Variants in RAP1GAP2 observed in about 807,000 individuals in gnomAD.
RAP1GAP2 encodes RAP1 GTPase activating protein 2, also known as rap1 GTPase-activating protein 2.
A neutral mutation model predicts 95.0 loss-of-function variants in RAP1GAP2; 27 were observed. That is an observed-to-expected ratio of 0.28 (90% confidence interval 0.21 to 0.39). The LOEUF is 0.39. Ranked by LOEUF, RAP1GAP2 falls within the 10% of genes least tolerant of loss-of-function variation. The pLI is 1.00. For missense variants in RAP1GAP2, 771 were observed against 970.0 expected, an observed-to-expected ratio of 0.79 and a Z score of 2.72; for synonymous variants, 373 against 380.9, an observed-to-expected ratio of 0.98 and a Z score of 0.24.
intron 2 of RAP1GAP2, among the ~76,000 whole-genome samples, chr17:2,864,471 C>T (rs1359484350): frequency 6.6e-6 from 1 of 152,218 alleles, no homozygotes; most frequent in Non-Finnish European, 1.5e-5. Flanking sequence ...GGCCTTCCCT[C>T]ATTACACCTC....
Position 2,825,856 on chromosome 17 carries a change from G to A in RAP1GAP2, c.80+25306G>A, listed in dbSNP as rs573856420. 5.3e-5 allele frequency among the ~76,000 whole-genome samples: 8 copies of A among 152,238 alleles called. No individual in the cohort carries two copies. The East Asian group carries it at 1.5e-3, about 29-fold the overall frequency. ...TGCAAAGCATGAGGCAGTGCCAATA[G>A]AGATATTCTTCCTGGTGGAATGAGG... On this transcript the variant is annotated intron_variant, in intron 2 of 24. Coordinates refer to ENST00000254695, the MANE Select transcript of RAP1GAP2 (RefSeq NM_015085.5). The surrounding 1 kb of genome is among the most constrained non-coding windows in gnomAD (Gnocchi z 4.1).
At chr17:2,775,415 T>C (rs1316414097), upstream of RAP1GAP2, among the ~76,000 whole-genome samples, 1 of 149,176 alleles carries the variant, frequency 6.7e-6, no homozygotes, top group East Asian at 1.9e-4. Flanking sequence ...AAGTGACATG[T>C]GAGCTGAGTC....
upstream of RAP1GAP2, among the ~76,000 whole-genome samples, chr17:2,793,839 G>T (rs543727350): frequency 6.6e-6 from 1 of 152,076 alleles, no homozygotes; most frequent in Admixed American, 6.6e-5. Flanking sequence ...GGTGGCTCCC[G>T]CCTGGAATCC....
chr17:2,852,167 A>G (rs567355565), intron 2 of RAP1GAP2, among the ~76,000 whole-genome samples: 90 of 152,258 alleles, frequency 5.9e-4, no homozygotes, highest in African/African-American at 1.8e-3. Flanking sequence ...AAGGACACTC[A>G]TTTTATTCTT....
chr17:2,800,205 C>G (rs1307366847), intron 1 of RAP1GAP2: 1 of 985,302 alleles, frequency 1.0e-6, no homozygotes, highest in Admixed American at 6.2e-5. Context: ...TGCTTACGAT[C>G]CCTGGACCTG....
At chr17:2,889,267 T>A (rs569646918) in intron 2 of RAP1GAP2, among the ~76,000 whole-genome samples, 1 of 152,260 alleles carries the variant, frequency 6.6e-6, no homozygotes, top group Non-Finnish European at 1.5e-5. Flanking sequence ...ATTGCAGTGG[T>A]GATGAGCCGG....
chr17:2,983,042 C>G (rs1360443244), intron 10 of RAP1GAP2, among the ~76,000 whole-genome samples: 1 of 152,186 alleles, frequency 6.6e-6, no homozygotes, highest in Non-Finnish European at 1.5e-5. Flanking sequence ...GCTCCAGGGT[C>G]GGGCAGCAGC....
At chr17:2,810,764 C>CAA (rs2069737145) in intron 2 of RAP1GAP2, among the ~76,000 whole-genome samples, 1 of 151,882 alleles carries the variant, frequency 6.6e-6, no homozygotes, top group African/African-American at 2.4e-5. Context: ...CTCCTGACCT[C>CAA]GTGATCCGCC....
rs2069125894 is a variant in RAP1GAP2, at chr17:2,797,453, G to A, written c.44+882G>A. On this transcript the variant is annotated intron_variant, in intron 1 of 24. Coordinates refer to ENST00000254695, the MANE Select transcript of RAP1GAP2 (RefSeq NM_015085.5). The surrounding 1 kb of genome is among the most constrained non-coding windows in gnomAD (Gnocchi z 5.6). ...TGATCGGTTTCCTTTCAGTGCCTGG[G>A]CTGGGGGCGTTGTCAGACTGGGAGA... 6.6e-6 allele frequency among the ~76,000 whole-genome samples: 1 copy of A among 152,088 alleles called. No homozygotes were observed. The highest frequency in any genetic ancestry group is 2.4e-5 in the African/African-American group (1 of 41,400).
At chr17:2,998,552 C>T (rs1489896779) in intron 14 of RAP1GAP2, among the ~76,000 whole-genome samples, 176 bp downstream of exon 14, 1 of 152,170 alleles carries the variant, frequency 6.6e-6, no homozygotes, top group Admixed American at 6.5e-5. Context: ...CCACCTGATC[C>T]CCCTTGCTGC....
At chr17:2,977,863 C>A (rs758814671) in intron 8 of RAP1GAP2, among the ~76,000 whole-genome samples, 1 of 151,602 alleles carries the variant, frequency 6.6e-6, no homozygotes, top group Non-Finnish European at 1.5e-5. Flanking sequence ...AAAAAATAGG[C>A]CAGTGTTGCT....
intron 2 of RAP1GAP2, among the ~76,000 whole-genome samples, chr17:2,839,780 C>A (rs913168532): frequency 6.6e-6 from 1 of 152,078 alleles, no homozygotes; most frequent in Admixed American, 6.6e-5. Flanking sequence ...AGGTATAGAC[C>A]AGGTATAGAA....
intron 2 of RAP1GAP2, among the ~76,000 whole-genome samples, chr17:2,810,553 C>T (rs1486633204): frequency 2.6e-4 from 18 of 69,602 alleles, no homozygotes; most frequent in East Asian, 1.1e-3. Flanking sequence ...TTTTTTGAGA[C>T]GGAGTCTCGC....
At chr17:2,995,674 G>A (rs1342577183) in intron 13 of RAP1GAP2, among the ~76,000 whole-genome samples, 1 of 152,248 alleles carries the variant, frequency 6.6e-6, no homozygotes, top group Non-Finnish European at 1.5e-5. Flanking sequence ...GTTTCTGGCC[G>A]AGGCCACACC....
At chr17:2,811,523 G>A (rs939285052) in intron 2 of RAP1GAP2, among the ~76,000 whole-genome samples, 6 of 152,166 alleles carry the variant, frequency 3.9e-5, no homozygotes, top group African/African-American at 7.2e-5. Context: ...CTGTCTTAGC[G>A]GATCTTCCAT....
intron 2 of RAP1GAP2, among the ~76,000 whole-genome samples, chr17:2,828,068 C>T (rs563230748): frequency 1.1e-4 from 16 of 152,236 alleles, no homozygotes; most frequent in South Asian, 4.1e-4. Context: ...GGGCCGGGTG[C>T]GGTGGCTCAC....
At chr17:2,784,692 T>C (rs915975471) in intron 1 of RAP1GAP2, among the ~76,000 whole-genome samples, 1 of 152,180 alleles carries the variant, frequency 6.6e-6, no homozygotes. Flanking sequence ...CATCTTACTG[T>C]GCAGAGCCCT....
At chr17:2,949,061 A>G (rs2151450822) in intron 3 of RAP1GAP2, among the ~76,000 whole-genome samples, 1 of 152,308 alleles carries the variant, frequency 6.6e-6, no homozygotes, top group Admixed American at 6.5e-5. Context: ...TTTCTGAAGG[A>G]AGACCAGGCT....
At chr17:2,997,872 G>A (rs533485228) in intron 13 of RAP1GAP2, among the ~76,000 whole-genome samples, 2 of 148,322 alleles carry the variant, frequency 1.3e-5, no homozygotes, top group South Asian at 2.1e-4. Context: ...GCAGTGAGCC[G>A]AGATCGTGCC....
Sources: allele counts gnomAD v4.1 joint callset (sites outside exome capture counted in the v4.1 genomes callset), GRCh38; gene constraint gnomAD v4.1.1; non-coding constraint Gnocchi (gnomAD v3.1); transcripts MANE v1.5; gene names NCBI Gene and HGNC (gene_info 2026-07-23, HGNC 2026-07-21).